FAH: variants seen among roughly 807,000 people sequenced by gnomAD.
FAH encodes the protein fumarylacetoacetase.
In FAH, 47 loss-of-function variants were observed where a neutral mutation model predicts 55.8. The observed-to-expected ratio is 0.84, with a 90% CI of 0.67 to 1.07. The LOEUF (loss-of-function observed/expected upper bound fraction) is 1.07. FAH is among the 50% of genes least tolerant of loss of function. The pLI is 0.00. For missense variants in FAH, 495 were observed against 545.9 expected, an observed-to-expected ratio of 0.91 and a Z score of 0.93; for synonymous variants, 199 against 207.7, an observed-to-expected ratio of 0.96 and a Z score of 0.36.
intron 1 of FAH, 96 bp from the exon 2 acceptor site, chr15:80,157,964 G>C (rs1405321246): frequency 1.2e-5 from 10 of 868,960 alleles, no homozygotes; most frequent in East Asian, 7.2e-5. Flanking sequence ...CCTAAAGGGG[G>C]ACCTGTGGAC....
intron 10 of FAH, among the ~76,000 whole-genome samples, chr15:80,176,862 G>A (rs530184656): frequency 1.6e-4 from 24 of 152,310 alleles, no homozygotes; most frequent in African/African-American, 5.1e-4. Flanking sequence ...GGATCTGGGC[G>A]AAAGGGTCTG....
chr15:80,186,453 T>A, downstream of FAH: 1 of 574,014 alleles, frequency 1.7e-6, no homozygotes, highest in Non-Finnish European at 3.2e-6. Context: ...CTCTTATTAG[T>A]GAGGTCAGGG....
chr15:80,169,741 G>A (rs2041224232), intron 7 of FAH, among the ~76,000 whole-genome samples: 1 of 152,086 alleles, frequency 6.6e-6, no homozygotes, highest in South Asian at 2.1e-4. Context: ...CACCATGTTA[G>A]CCAGGATGGT....
intron 7 of FAH, among the ~76,000 whole-genome samples, chr15:80,169,600 C>T (rs1378444608): frequency 6.6e-6 from 1 of 151,912 alleles, no homozygotes; most frequent in East Asian, 2.0e-4. Flanking sequence ...GTGGCACTAT[C>T]TCGGCTCACT....
rs114362040 is a variant in FAH, at chr15:80,176,481, A to G, written c.914-1056A>G. 3.0e-3 allele frequency among the ~76,000 whole-genome samples: 456 copies of G among 152,300 alleles called. 4 individuals carry two copies. Among genetic ancestry groups the G allele is most frequent in the African/African-American group, 0.01 (431 of 41,578 alleles). ...TGGGAGCAGGATGCTCCATGGAGAA[A>G]GAGCTGTCACAGAGAGCCTCCTGGC... On this transcript the variant is annotated intron_variant, in intron 10 of 13. Transcript: ENST00000561421.
rs567255573 is a variant in FAH at position 80,172,412 on chromosome 15, C to T, written c.706+164C>T. Among the ~76,000 whole-genome samples the T allele has an allele frequency of 3.3e-5, 5 of 151,412 alleles. No homozygotes were observed. The South Asian group carries it at 8.5e-4, about 26-fold the overall frequency. On this transcript the variant is annotated intron_variant, in intron 8 of 13. Coordinates refer to ENST00000561421, the MANE Select transcript of FAH (RefSeq NM_000137.4). Reference sequence around the variant, plus strand: ...AAACAGACTTTCAGCTCTAAGAACTCGGGCCACTCACTTAACTCCTCTGAG... The same window carrying T: ...AAACAGACTTTCAGCTCTAAGAACTTGGGCCACTCACTTAACTCCTCTGAG...
Position 80,181,082 on chromosome 15 carries a change from A to T in FAH, c.1103A>T (p.Lys368Met), listed in dbSNP as rs560344383. The T allele has an allele frequency of 6.2e-7, 1 of 1,613,910 alleles. No individual in the cohort carries two copies. The highest frequency in any genetic ancestry group is 1.1e-5 in the South Asian group (1 of 91,064). Residue 368 changes from lysine to methionine, a missense_variant, in exon 13 of 14, where the codon AAG (lysine) becomes ATG (methionine). Transcript: ENST00000561421. ...NFGSMLELSW[K>M]GTKPIDLGNG... ...GGCTCCATGTTGGAACTGTCGTGGAAGGGAACGAAGCCCATAGACCTGGGG... is the reference window on the plus strand; with the variant it reads ...GGCTCCATGTTGGAACTGTCGTGGATGGGAACGAAGCCCATAGACCTGGGG...
Position 80,173,159 on chromosome 15 carries a change from T to G in FAH, c.837+15T>G. The G allele has an allele frequency of 6.2e-7, 1 of 1,614,216 alleles. No individual in the cohort carries two copies. Among genetic ancestry groups the G allele is most frequent in the African/African-American group, 1.3e-5 (1 of 75,066 alleles). On this transcript the variant is annotated intron_variant, in intron 9 of 13. Transcript: ENST00000561421. ...ACCCGAAGCAGGTAAGCACATTCTC[T>G]GCAGGAAGCTCCCAAACCCAGCCCT... is the stretch of plus-strand genomic sequence containing the variant.
chr15:80,171,490 T>G (rs1212448245), intron 7 of FAH, among the ~76,000 whole-genome samples: 1 of 152,222 alleles, frequency 6.6e-6, no homozygotes, highest in Non-Finnish European at 1.5e-5. Flanking sequence ...AGACAGGGTC[T>G]TGCTCTGTCA....
chr15:80,171,485 G>GGGTCTTGCT (rs1283877082), intron 7 of FAH, among the ~76,000 whole-genome samples: 1 of 152,180 alleles, frequency 6.6e-6, no homozygotes, highest in Non-Finnish European at 1.5e-5. Flanking sequence ...TTTTGAGACA[G>GGGTCTTGCT]GGTCTTGCTC....
At chr15:80,173,701 G>A (rs1012482222) in intron 9 of FAH, 1 of 219,142 alleles carries the variant, frequency 4.6e-6, no homozygotes, top group Non-Finnish European at 9.3e-6. Flanking sequence ...CCTGTGACCC[G>A]ATAGTCAGTG....
chr15:80,176,118 G>A (rs1344033651), intron 10 of FAH, among the ~76,000 whole-genome samples: 1 of 152,072 alleles, frequency 6.6e-6, no homozygotes, highest in Non-Finnish European at 1.5e-5. Context: ...CTGGGTTCAA[G>A]CGAGTCTTCT....
chr15:80,157,908 G>C, intron 1 of FAH, 152 bp from the exon 2 acceptor site: 1 of 689,608 alleles, frequency 1.5e-6, no homozygotes, highest in Non-Finnish European at 2.7e-6. Flanking sequence ...AGCTGGGGCA[G>C]GATGCTGAGA....
intron 5 of FAH, among the ~76,000 whole-genome samples, chr15:80,166,715 C>G (rs2142096923): frequency 6.8e-6 from 1 of 147,678 alleles, no homozygotes; most frequent in East Asian, 2.1e-4. Flanking sequence ...CGGCTCACTG[C>G]AAGCTTCGCC....
chr15:80,170,499 G>A (rs935657452), intron 7 of FAH, among the ~76,000 whole-genome samples: 8 of 152,238 alleles, frequency 5.3e-5, no homozygotes, highest in Non-Finnish European at 8.8e-5. Context: ...TGGATAGCAG[G>A]GCATTCCCTG....
intron 2 of FAH, among the ~76,000 whole-genome samples, chr15:80,158,904 G>A (rs558270549): frequency 7.2e-5 from 11 of 152,174 alleles, no homozygotes; most frequent in African/African-American, 2.6e-4. Context: ...GAACCTACAA[G>A]GGCTTTTTCT....
At chr15:80,156,203 G>A (rs2041098965) in intron 1 of FAH, 1 of 215,808 alleles carries the variant, frequency 4.6e-6, no homozygotes, top group African/African-American at 2.3e-5. Context: ...ATGCGGGTGT[G>A]ACAGGGCTCA....
chr15:80,159,897 A>AG lies in FAH; in HGVS notation c.314+26dup, dbSNP rs1567114937. On this transcript the variant is annotated intron_variant, in intron 3 of 13. Transcript: ENST00000561421. ...GAAGTGGTGAGAAGCACGTGGTCAT[A>AG]GGGGGGATGAGGGGATGCAGCAGGG... 3 of 1,612,864 alleles carry AG rather than the reference A, an allele frequency of 1.9e-6. No homozygotes were observed. The highest frequency in any genetic ancestry group is 1.7e-6 in the Non-Finnish European group (2 of 1,179,474).
At chr15:80,162,168 G>T (rs1212155702) in intron 4 of FAH, 78 bp from the exon 5 acceptor site, 6 of 1,069,672 alleles carry the variant, frequency 5.6e-6, no homozygotes, top group Middle Eastern at 4.3e-4. Flanking sequence ...CACACTCGTG[G>T]CTCCAGTGCT....
Sources: gnomAD v4.1 joint callset for allele counts (sites outside exome capture counted in the v4.1 genomes callset) on GRCh38, gnomAD v4.1.1 for gene constraint, MANE v1.5 for transcripts, NCBI Gene and HGNC (gene_info 2026-07-23, HGNC 2026-07-21) for gene names.